The following WNK2 variants were observed in gnomAD, a reference collection of about 807,000 sequenced individuals.
WNK2 encodes WNK lysine deficient protein kinase 2, also known as serine/threonine-protein kinase WNK2.
A neutral mutation model predicts 192.1 loss-of-function variants in WNK2; 67 were observed. The ratio of observed to expected loss-of-function variants is 0.35; its 90% CI spans 0.29 to 0.43. The LOEUF (loss-of-function observed/expected upper bound fraction) is 0.43. Ranked by LOEUF, WNK2 falls within the 20% of genes least tolerant of loss-of-function variation. The pLI, the probability that WNK2 is intolerant of heterozygous loss-of-function variation, is 1.00. For synonymous variants in WNK2, 1,439 were observed against 1,393.9 expected, an observed-to-expected ratio of 1.03 and a Z score of -0.72; for missense variants, 2,698 against 3,089.7, an observed-to-expected ratio of 0.87 and a Z score of 3.01.
At position 93,231,447 on chromosome 9, in the gene WNK2, G is replaced by A. The variant is rs528464903; in HGVS notation, c.1075+339G>A. ...TGTGGCTTGGGTGCCAGCTCTGATT[G>A]TCTAGCAGGGGAGGTGGGCTGGGTG... On this transcript the variant is annotated intron_variant, in intron 4 of 29. Transcript: ENST00000427277. 5.1e-4 allele frequency among the ~76,000 whole-genome samples: 77 copies of A among 152,352 alleles called. 1 individual carries two copies. The highest frequency in any genetic ancestry group is 6.8e-3 in the Middle Eastern group (2 of 292).
intron 2 of WNK2, among the ~76,000 whole-genome samples, chr9:93,196,556 G>A (rs1831322031): frequency 6.6e-6 from 1 of 152,156 alleles, no homozygotes; most frequent in African/African-American, 2.4e-5. Context: ...GAAACAAATG[G>A]GTGGTTAGGT....
At chr9:93,230,722 C>T (rs149363190) in intron 3 of WNK2, among the ~76,000 whole-genome samples, 166 bp from the exon 4 acceptor site, 6 of 152,326 alleles carry the variant, frequency 3.9e-5, no homozygotes, top group South Asian at 2.1e-4. Flanking sequence ...GGCTCCAGGG[C>T]GGAACTGTCC....
chr9:93,317,090 A>C (rs1588670993), intron 28 of WNK2: 1 of 243,904 alleles, frequency 4.1e-6, no homozygotes, highest in South Asian at 5.5e-5. Flanking sequence ...CTCCCTGCAC[A>C]CTTGCTTTGC....
chr9:93,288,140 C>T (rs551820034), intron 19 of WNK2, among the ~76,000 whole-genome samples: 2 of 152,192 alleles, frequency 1.3e-5, no homozygotes, highest in Non-Finnish European at 2.9e-5. Context: ...CTCAGATGCC[C>T]GCAGTCCCTG....
At chr9:93,273,231 C>T (rs1846268204) in intron 19 of WNK2, among the ~76,000 whole-genome samples, 2 of 152,246 alleles carry the variant, frequency 1.3e-5, no homozygotes, top group Non-Finnish European at 2.9e-5. Flanking sequence ...GATCTTGGCT[C>T]ATTGCAACCT....
intron 2 of WNK2, among the ~76,000 whole-genome samples, chr9:93,222,798 T>A (rs920812393): frequency 6.6e-6 from 1 of 152,144 alleles, no homozygotes; most frequent in Non-Finnish European, 1.5e-5. Context: ...TTCTCCTGCC[T>A]CAGCCTCCCG....
At chr9:93,202,710 C>T (rs1055827604) in intron 2 of WNK2, among the ~76,000 whole-genome samples, 5 of 151,964 alleles carry the variant, frequency 3.3e-5, no homozygotes, top group South Asian at 2.1e-4. Context: ...TAGTCTCCAG[C>T]GTGATACTGG....
intron 28 of WNK2, chr9:93,316,487 C>A (rs1854687252): frequency 6.6e-6 from 1 of 152,098 alleles, no homozygotes; most frequent in African/African-American, 2.4e-5. Flanking sequence ...TAAATTTATC[C>A]CTAGGTAGCT....
At position 93,236,283 on chromosome 9, in the gene WNK2, G is replaced by T. The variant is rs575611348; in HGVS notation, c.1233+1318G>T. ...TGAAGCTGTCCCAGGGGCTGGTGGT[G>T]CTCCTCGACCCTGGGGGTGTACACT... On this transcript the variant is annotated intron_variant, in intron 5 of 29. Transcript: ENST00000427277. Among the ~76,000 whole-genome samples the T allele has an allele frequency of 1.2e-4, 19 of 152,244 alleles. No homozygotes were observed. The South Asian group carries it at 2.3e-3, about 18-fold the overall frequency.
chr9:93,189,004 A>G lies in WNK2; in HGVS notation c.681+3394A>G, dbSNP rs548104415. Reference sequence around the variant, plus strand: ...CACGTTGCTGGACCAACACTGTTCCATGTGGCTCAGGGCTCCCACTCTCAC... The same window carrying G: ...CACGTTGCTGGACCAACACTGTTCCGTGTGGCTCAGGGCTCCCACTCTCAC... On this transcript the variant is annotated intron_variant, in intron 2 of 29. Coordinates refer to ENST00000427277, the MANE Select transcript of WNK2 (RefSeq NM_006648.4). Among the ~76,000 whole-genome samples, 90 of 152,214 alleles carry G rather than the reference A, an allele frequency of 5.9e-4. 1 individual carries two copies. The highest frequency in any genetic ancestry group is 2.6e-4 in the Admixed American group (4 of 15,300).
chr9:93,233,493 C>G (rs1839256002), intron 4 of WNK2, among the ~76,000 whole-genome samples: 1 of 151,946 alleles, frequency 6.6e-6, no homozygotes, highest in Non-Finnish European at 1.5e-5. Flanking sequence ...GTCAGAAGTT[C>G]GAGAACAGCC....
intron 12 of WNK2, among the ~76,000 whole-genome samples, chr9:93,261,316 G>A (rs1564114137): frequency 1.3e-5 from 2 of 152,342 alleles, no homozygotes; most frequent in East Asian, 1.9e-4. Context: ...TTCCCCACTT[G>A]TCTTACCTTT....
chr9:93,243,763 C>G (rs555261466), intron 7 of WNK2, among the ~76,000 whole-genome samples: 1 of 152,240 alleles, frequency 6.6e-6, no homozygotes, highest in Non-Finnish European at 1.5e-5. Flanking sequence ...CCTTCCCACC[C>G]GCTTCAGACA....
intron 2 of WNK2, among the ~76,000 whole-genome samples, chr9:93,203,595 G>C (rs1832869910): frequency 6.6e-6 from 1 of 152,180 alleles, no homozygotes; most frequent in Admixed American, 6.5e-5. Flanking sequence ...ACTCGGCAGA[G>C]GTGACTTTGC....
chr9:93,217,804 G>C (rs577221031), intron 2 of WNK2, among the ~76,000 whole-genome samples: 109 of 152,380 alleles, frequency 7.2e-4, no homozygotes, highest in African/African-American at 2.4e-3. Flanking sequence ...CACCGGCCTT[G>C]AATCCTAGTA....
chr9:93,291,075 G>A (rs926957160), intron 21 of WNK2, among the ~76,000 whole-genome samples: 2 of 152,222 alleles, frequency 1.3e-5, no homozygotes, highest in Non-Finnish European at 2.9e-5. Flanking sequence ...CGGGGCAGCT[G>A]GCTCTGGGGT....
rs146729643 is a variant in WNK2, at chr9:93,306,468, C to CT, written c.6215-303dup. Reference sequence around the variant, plus strand: ...GCCAAGCGGTGTGCTTTGCTTTTTTCTTTTTTCTTTTCTTTTTTCTTTCTC... The same window carrying CT: ...GCCAAGCGGTGTGCTTTGCTTTTTTCTTTTTTTCTTTTCTTTTTTCTTTCTC... On this transcript the variant is annotated intron_variant, in intron 26 of 29. Coordinates refer to ENST00000427277, the MANE Select transcript of WNK2 (RefSeq NM_006648.4). 3.4e-3 allele frequency among the ~76,000 whole-genome samples: 508 copies of CT among 149,264 alleles called. 11 individuals are homozygous for CT. The East Asian group carries it at 0.053, about 16-fold the overall frequency.
intron 2 of WNK2, among the ~76,000 whole-genome samples, chr9:93,210,840 C>T (rs565050827): frequency 7.9e-5 from 12 of 152,286 alleles, no homozygotes; most frequent in Admixed American, 1.3e-4. Flanking sequence ...AGACATAGAC[C>T]GGCCCTCCTT....
In WNK2 at chr9:93,318,249, G is replaced by C. The variant is rs561982759; in HGVS notation, c.6628+618G>C. The C allele has an allele frequency of 7.5e-5, 112 of 1,496,324 alleles. 1 individual carries two copies. In the South Asian group the frequency reaches 1.4e-3, roughly 19 times the overall value. The allele number at this position is 1,496,324 out of a possible 1,614,324, so 92.7% of individuals were successfully genotyped here. ...TGTTTTAAGTTGCAGAGATGTGAATGGTTTACAAATCTGAAGCTGAAGTTC... is the reference window on the plus strand; with the variant it reads ...TGTTTTAAGTTGCAGAGATGTGAATCGTTTACAAATCTGAAGCTGAAGTTC... On this transcript the variant is annotated intron_variant, in intron 29 of 29. Coordinates refer to ENST00000427277, the MANE Select transcript of WNK2 (RefSeq NM_006648.4).
Sources: gnomAD v4.1 joint callset for allele counts (sites outside exome capture counted in the v4.1 genomes callset) on GRCh38, gnomAD v4.1.1 for gene constraint, MANE v1.5 for transcripts, NCBI Gene and HGNC (gene_info 2026-07-23, HGNC 2026-07-21) for gene names.